Variants in CUX1 observed in about 807,000 individuals in gnomAD.
CUX1 encodes the protein protein CASP.
In CUX1, 31 loss-of-function variants were observed where a neutral mutation model predicts 158.8. That is an observed-to-expected ratio of 0.20 (90% CI 0.15 to 0.26). The LOEUF is 0.26. CUX1 is among the 10% of genes least tolerant of loss of function. The probability of loss-of-function intolerance (pLI) is 1.00; values close to 1 mark genes in which losing one functional copy is unlikely to be tolerated. For missense variants in CUX1, 1,589 were observed against 2,014.6 expected, an observed-to-expected ratio of 0.79 and a Z score of 4.04; for synonymous variants, 879 against 862.1, an observed-to-expected ratio of 1.02 and a Z score of -0.34.
At chr7:102,070,953 T>A (rs752155204) in intron 4 of CUX1, among the ~76,000 whole-genome samples, 11 of 149,480 alleles carry the variant, frequency 7.4e-5, no homozygotes, top group South Asian at 6.4e-4. Flanking sequence ...TTTTTTTTTC[T>A]AATTTTATTT....
At chr7:101,934,916 G>A (rs1318309975) in intron 2 of CUX1, among the ~76,000 whole-genome samples, 1 of 152,038 alleles carries the variant, frequency 6.6e-6, no homozygotes, top group East Asian at 1.9e-4. Context: ...GAGTAGAGGT[G>A]AAAACAGCAT....
exon 23 of CUX1, chr7:102,283,085 C>A: frequency 6.2e-7 from 1 of 1,613,582 alleles, no homozygotes; most frequent in Non-Finnish European, 8.5e-7. Flanking sequence ...TGACTTGTGG[C>A]AGTGATACCC....
chr7:101,932,745 T>A, intron 2 of CUX1: 1 of 385,210 alleles, frequency 2.6e-6, no homozygotes, highest in Admixed American at 3.2e-5. Context: ...TTTGCCGCCA[T>A]CAAGAAAAAA....
intron 1 of CUX1, among the ~76,000 whole-genome samples, chr7:101,849,695 C>T (rs1309745842): frequency 6.6e-6 from 1 of 152,140 alleles, no homozygotes. Context: ...GGCCTATACT[C>T]AGTCATGAGA....
At chr7:101,958,703 C>T (rs796952052) in intron 2 of CUX1, among the ~76,000 whole-genome samples, 4 of 151,890 alleles carry the variant, frequency 2.6e-5, no homozygotes, top group African/African-American at 7.2e-5. Flanking sequence ...TGGTCTCAAA[C>T]TCCTGGGCTT....
chr7:102,071,574 G>A (rs1040145913), intron 4 of CUX1, among the ~76,000 whole-genome samples: 1 of 151,520 alleles, frequency 6.6e-6, no homozygotes, highest in Non-Finnish European at 1.5e-5. Flanking sequence ...CATTACAGTT[G>A]TGCCCTTGCC....
chr7:102,147,109 C>A, intron 8 of CUX1, among the ~76,000 whole-genome samples: 1 of 152,078 alleles, frequency 6.6e-6, no homozygotes, highest in Non-Finnish European at 1.5e-5. Context: ...TGGACCGACT[C>A]TCTTTCCAGG....
chr7:102,172,021 C>T (rs1791770330), intron 10 of CUX1, among the ~76,000 whole-genome samples: 1 of 152,216 alleles, frequency 6.6e-6, no homozygotes, highest in Non-Finnish European at 1.5e-5. Flanking sequence ...ATCAGAAGAA[C>T]TTGCTCTTGT....
chr7:101,865,798 A>G (rs1797880084), intron 1 of CUX1, among the ~76,000 whole-genome samples: 1 of 152,206 alleles, frequency 6.6e-6, no homozygotes. Context: ...AGCAGGCACA[A>G]TGGTAGGTAG....
In CUX1 at chr7:101,869,086, G is replaced by C. The variant is rs955996997; in HGVS notation, c.31-47029G>C. Reference sequence around the variant, plus strand: ...TTCCGAGGGCGGGCGAGGGGGCAAAGGGCCTGGGGCATGGACTTGGGCAGG... The same window carrying C: ...TTCCGAGGGCGGGCGAGGGGGCAAACGGCCTGGGGCATGGACTTGGGCAGG... On this transcript the variant is annotated intron_variant, in intron 1 of 23. Coordinates refer to ENST00000292535, the MANE Select transcript of CUX1 (RefSeq NM_181552.4). This position sits in a 1 kb window ranked among gnomAD's most constrained non-coding sequence, Gnocchi z 4.5. Among the ~76,000 whole-genome samples, 4 of 151,788 alleles carry C rather than the reference G, an allele frequency of 2.6e-5. No individual in the cohort carries two copies. The highest frequency in any genetic ancestry group is 6.6e-5 in the Admixed American group (1 of 15,228).
chr7:101,959,238 AGTGTGTGTGTGTGT>A lies in CUX1; in HGVS notation c.141+43037_141+43050del, dbSNP rs55733311. ...TCCTTACCTAGCTCTATGTGTGTGC[AGTGTGTGTGTGTGT>A]GTGTGTGTGTGTGTGTGTGTGTGCA... On this transcript the variant is annotated intron_variant, in intron 2 of 23. Transcript: ENST00000292535. Among the ~76,000 whole-genome samples the A allele has an allele frequency of 2.8e-4, 41 of 145,818 alleles. No individual in the cohort carries two copies. In the East Asian group the frequency reaches 4.9e-3, roughly 18 times the overall value.
intron 1 of CUX1, among the ~76,000 whole-genome samples, chr7:101,914,555 G>A (rs1584965300): frequency 6.6e-6 from 1 of 150,962 alleles, no homozygotes; most frequent in South Asian, 2.1e-4. Flanking sequence ...CTGGAGTGCA[G>A]TGGCGTGATC....
rs558140762 is a variant in CUX1, at chr7:102,035,103, AC to A, written c.189+6960del. 3.3e-5 allele frequency among the ~76,000 whole-genome samples: 5 copies of A among 151,814 alleles called. No homozygotes were observed. The South Asian group carries it at 1.0e-3, about 32-fold the overall frequency. On this transcript the variant is annotated intron_variant, in intron 3 of 23. Coordinates refer to ENST00000292535, the MANE Select transcript of CUX1 (RefSeq NM_181552.4). ...AAAAAAAAAAAAAAATTCCCAGAAA[AC>A]CAGGAACAAGACAAGAATACCTACT... is the stretch of plus-strand genomic sequence containing the variant.
intron 2 of CUX1, among the ~76,000 whole-genome samples, chr7:101,972,035 T>TGGC (rs1228347142): frequency 6.6e-6 from 1 of 152,186 alleles, no homozygotes; most frequent in Non-Finnish European, 1.5e-5. Flanking sequence ...GGCGCTATCT[T>TGGC]GGCTCACTGC....
chr7:102,245,822 A>G (rs1554536669), intron 23 of CUX1, among the ~76,000 whole-genome samples: 1 of 151,958 alleles, frequency 6.6e-6, no homozygotes, highest in Non-Finnish European at 1.5e-5. Flanking sequence ...AATACAAAAA[A>G]TTAGCCAGTT....
intron 2 of CUX1, among the ~76,000 whole-genome samples, chr7:101,946,522 T>A (rs538490197): frequency 8.1e-6 from 1 of 123,184 alleles, no homozygotes; most frequent in East Asian, 2.3e-4. Flanking sequence ...CAAGTCTGTG[T>A]GACAAGAGCG....
intron 2 of CUX1, among the ~76,000 whole-genome samples, chr7:101,920,781 TC>T (rs1804820549): frequency 6.6e-6 from 1 of 152,216 alleles, no homozygotes; most frequent in Non-Finnish European, 1.5e-5. Context: ...TAACTGAACA[TC>T]CATTCCCTAT....
At chr7:102,144,331 A>G (rs533120862) in intron 8 of CUX1, among the ~76,000 whole-genome samples, 1 of 152,170 alleles carries the variant, frequency 6.6e-6, no homozygotes, top group South Asian at 2.1e-4. Flanking sequence ...TATGTTTCAT[A>G]TGTTAAATTT....
intron 18 of CUX1, among the ~76,000 whole-genome samples, chr7:102,278,877 T>G (rs1358296903): frequency 6.6e-6 from 1 of 150,714 alleles, no homozygotes; most frequent in Non-Finnish European, 1.5e-5. Context: ...CTATCTCTAC[T>G]GAAAATACAA....
Sources: allele counts gnomAD v4.1 joint callset (sites outside exome capture counted in the v4.1 genomes callset), GRCh38; gene constraint gnomAD v4.1.1; non-coding constraint Gnocchi (gnomAD v3.1); transcripts MANE v1.5; gene names NCBI Gene and HGNC (gene_info 2026-07-23, HGNC 2026-07-21).